Variants in SEMA3D observed in about 807,000 individuals in gnomAD.
The protein encoded by SEMA3D is semaphorin-3D.
In SEMA3D, 84 loss-of-function variants were observed where a neutral mutation model predicts 100.1. That is an observed-to-expected ratio of 0.84 (90% CI 0.70 to 1.01). The LOEUF is 1.01. Ranked by LOEUF, SEMA3D falls within the 50% of genes least tolerant of loss-of-function variation. SEMA3D has a pLI of 0.00. For missense variants in SEMA3D, 875 were observed against 934.1 expected, an observed-to-expected ratio of 0.94 and a Z score of 0.82; for synonymous variants, 312 against 320.7, an observed-to-expected ratio of 0.97 and a Z score of 0.29.
chr7:85,169,846 G>A (rs777915166), intron 1 of SEMA3D, among the ~76,000 whole-genome samples: 1 of 151,512 alleles, frequency 6.6e-6, no homozygotes, highest in Non-Finnish European at 1.5e-5. Context: ...ATGAAATGTG[G>A]AACTATCAGT....
Position 85,066,939 on chromosome 7 carries a change from G to GAGAGAA in SEMA3D, c.589+1251_589+1252insTTCTCT, listed in dbSNP as rs1791644405. Among the ~76,000 whole-genome samples the GAGAGAA allele has an allele frequency of 4.0e-5, 6 of 150,740 alleles. No individual in the cohort carries two copies. In the South Asian group the frequency reaches 1.3e-3, roughly 32 times the overall value. On this transcript the variant is annotated intron_variant, in intron 7 of 18. Transcript: ENST00000284136. Reference sequence around the variant, plus strand: ...AGAGAGAGAGAGAGAGAGAGAGAGAGAGAGAGAACTCCAGCTATGTAAAGT... The same window carrying GAGAGAA: ...AGAGAGAGAGAGAGAGAGAGAGAGAGAGAGAAAGAGAGAACTCCAGCTATGTAAAGT...
At chr7:85,142,936 T>C (rs1790099213) in intron 2 of SEMA3D, 4 of 985,196 alleles carry the variant, frequency 4.1e-6, no homozygotes, top group Admixed American at 6.2e-5. Flanking sequence ...GCTGAGACAA[T>C]GCCATCTTAG....
At position 85,068,300 on chromosome 7, in the gene SEMA3D, T is replaced by C. The variant is rs1368962474; in HGVS notation, c.496-16A>G. 5 of 1,330,880 alleles carry C rather than the reference T, an allele frequency of 3.8e-6. No homozygotes were observed. The highest frequency in any genetic ancestry group is 1.4e-5 in the African/African-American group (1 of 69,196). The allele number at this position is 1,330,880 out of a possible 1,614,324, so 82.4% of individuals were successfully genotyped here. On this transcript the variant is annotated splice_polypyrimidine_tract_variant and intron_variant, in intron 6 of 18. Coordinates refer to ENST00000284136, the MANE Select transcript of SEMA3D (RefSeq NM_001384900.1). ...ATATAATATCCTGTTATGAGAAATA[T>C]TAACACTAGTGAACTTTTTAAAAAT...
intron 3 of SEMA3D, among the ~76,000 whole-genome samples, chr7:85,115,307 G>C (rs1037750700): frequency 8.6e-5 from 13 of 152,006 alleles, no homozygotes; most frequent in African/African-American, 2.4e-4. Context: ...TCAGTATCTC[G>C]GTATCCTCAT....
intron 6 of SEMA3D, among the ~76,000 whole-genome samples, chr7:85,069,634 A>C (rs1791718368): frequency 6.6e-6 from 1 of 152,200 alleles, no homozygotes; most frequent in Non-Finnish European, 1.5e-5. Context: ...TTAATTATGC[A>C]AAAAGCACCT....
At chr7:85,235,574 T>C in the SEMA3D span, among the ~76,000 whole-genome samples, 1 of 152,194 alleles carries the variant, frequency 6.6e-6, no homozygotes, top group Non-Finnish European at 1.5e-5. Flanking sequence ...TCTTGATATC[T>C]GAACAGAACC....
At chr7:85,104,319 C>T (rs1562819737) in intron 3 of SEMA3D, among the ~76,000 whole-genome samples, 1 of 152,030 alleles carries the variant, frequency 6.6e-6, no homozygotes, top group Non-Finnish European at 1.5e-5. Flanking sequence ...AACCATATAA[C>T]ATAGTAGACC....
intron 2 of SEMA3D, chr7:85,142,772 A>T (rs1218767374): frequency 2.0e-6 from 2 of 984,472 alleles, no homozygotes; most frequent in Admixed American, 1.2e-4. Flanking sequence ...TCCCAGACTA[A>T]CCACATGATG....
intron 9 of SEMA3D, chr7:85,050,773 A>C: frequency 2.0e-6 from 1 of 506,128 alleles, no homozygotes; most frequent in Non-Finnish European, 3.5e-6. Flanking sequence ...AAAAATAATA[A>C]TGTAACTTCA....
chr7:85,180,268 C>T (rs1791364639), intron 1 of SEMA3D, among the ~76,000 whole-genome samples: 1 of 152,146 alleles, frequency 6.6e-6, no homozygotes, highest in South Asian at 2.1e-4. Context: ...TTTTTTCCCT[C>T]TTTCCCCTGC....
rs1328619901 is a variant in SEMA3D, at chr7:84,995,798, T to C, written c.*3642A>G. 1 of 151,998 alleles carries C rather than the reference T, an allele frequency of 6.6e-6. No homozygotes were observed. The highest frequency in any genetic ancestry group is 1.5e-5 in the Non-Finnish European group (1 of 67,904). The allele number at this position is 151,998 out of a possible 1,614,324, so 9.4% of individuals were successfully genotyped here. On this transcript the variant is annotated 3_prime_UTR_variant, in exon 19 of 19. Transcript: ENST00000284136. ...TCTCAAACCCTTTCCATAAATACTT[T>C]ATACTATAAAATATTTAAATGAGAG...
intron 1 of SEMA3D, among the ~76,000 whole-genome samples, chr7:85,162,838 A>G (rs1272565217): frequency 6.6e-6 from 1 of 152,166 alleles, no homozygotes; most frequent in Non-Finnish European, 1.5e-5. Flanking sequence ...CCAGTAGCTG[A>G]GAGGAAATAC....
In SEMA3D at chr7:85,150,485, T is replaced by TAC. The variant is rs1223897697; in HGVS notation, c.-41+3122_-41+3123insGT. On this transcript the variant is annotated intron_variant, in intron 2 of 18. Transcript: ENST00000284136. ...ACATATATTTACAGGGATATATATA[T>TAC]ATACACACACACACACACATATATT... Among the ~76,000 whole-genome samples the TAC allele has an allele frequency of 4.3e-4, 55 of 127,286 alleles. No homozygotes were observed. The South Asian group carries it at 4.9e-3, about 11-fold the overall frequency. The allele number at this position is 127,286 out of a possible 152,430, so 83.5% of individuals were successfully genotyped here.
chr7:85,031,380 T>C (rs577324719), intron 12 of SEMA3D, among the ~76,000 whole-genome samples: 2 of 152,106 alleles, frequency 1.3e-5, no homozygotes, highest in South Asian at 2.1e-4. Flanking sequence ...AACAATTTCA[T>C]AGAAAGCAAA....
the SEMA3D span, among the ~76,000 whole-genome samples, chr7:85,243,339 A>C: frequency 6.6e-6 from 1 of 152,140 alleles, no homozygotes; most frequent in South Asian, 2.1e-4. Context: ...AGTTCACAAA[A>C]GTGTAGGGCT....
intron 1 of SEMA3D, among the ~76,000 whole-genome samples, chr7:85,180,301 T>G (rs2116573263): frequency 6.6e-6 from 1 of 152,280 alleles, no homozygotes; most frequent in East Asian, 1.9e-4. Flanking sequence ...TGCTGCCATG[T>G]GAAGAAGGAC....
At chr7:85,096,715 T>G (rs955651890) in intron 4 of SEMA3D, among the ~76,000 whole-genome samples, 1 of 151,888 alleles carries the variant, frequency 6.6e-6, no homozygotes, top group Non-Finnish European at 1.5e-5. Flanking sequence ...TTACTACATA[T>G]GAAGATAAAT....
intron 9 of SEMA3D, among the ~76,000 whole-genome samples, chr7:85,050,920 C>T (rs1372528047): frequency 1.3e-5 from 2 of 151,832 alleles, no homozygotes; most frequent in Non-Finnish European, 2.9e-5. Context: ...GCTGATCTGG[C>T]TCCAAATGTA....
chr7:85,229,061 G>T, the SEMA3D span, among the ~76,000 whole-genome samples: 17 of 151,754 alleles, frequency 1.1e-4, no homozygotes, highest in Non-Finnish European at 1.9e-4. Context: ...TTATCACCTT[G>T]TCTCTGAAAA....
Sources: allele counts gnomAD v4.1 joint callset (sites outside exome capture counted in the v4.1 genomes callset), GRCh38; gene constraint gnomAD v4.1.1; transcripts MANE v1.5; gene names NCBI Gene and HGNC (gene_info 2026-07-23, HGNC 2026-07-21).